The following MAF variants were observed in gnomAD, a reference collection of about 807,000 sequenced individuals.
MAF encodes the protein MAF bZIP transcription factor.
A neutral mutation model predicts 22.0 loss-of-function variants in MAF; 10 were observed. The ratio of observed to expected loss-of-function variants is 0.45; its 90% CI spans 0.28 to 0.77. The LOEUF (loss-of-function observed/expected upper bound fraction) is 0.77, where lower values mean the gene tolerates loss of function less well. Among genes scored for constraint, MAF ranks in the 30% least tolerant of loss-of-function variants. The probability of loss-of-function intolerance (pLI) is 0.12; values close to 1 mark genes in which losing one functional copy is unlikely to be tolerated. For synonymous variants in MAF, 337 were observed against 255.8 expected, an observed-to-expected ratio of 1.32 and a Z score of -3.03; for missense variants, 544 against 548.4, an observed-to-expected ratio of 0.99 and a Z score of 0.08.
chr16:79,533,951 G>C, the MAF span, among the ~76,000 whole-genome samples: 1 of 152,206 alleles, frequency 6.6e-6, no homozygotes, highest in Admixed American at 6.5e-5. Flanking sequence ...GGCAAGGAAA[G>C]CCTGGGAAAT....
At chr16:79,304,763 A>T in the MAF span, among the ~76,000 whole-genome samples, 1 of 152,214 alleles carries the variant, frequency 6.6e-6, no homozygotes, top group Non-Finnish European at 1.5e-5. Context: ...ACCAAAAGGG[A>T]CTAAATGATT....
At chr16:79,277,732 T>A in the MAF span, among the ~76,000 whole-genome samples, 1 of 152,244 alleles carries the variant, frequency 6.6e-6, no homozygotes, top group African/African-American at 2.4e-5. Context: ...AGCTTCTATG[T>A]GTCTGTTTAT....
chr16:79,530,419 T>A, the MAF span, among the ~76,000 whole-genome samples: 1 of 152,180 alleles, frequency 6.6e-6, no homozygotes, highest in Non-Finnish European at 1.5e-5. Context: ...GATGTAAATA[T>A]TGGGAAGCAG....
At chr16:79,585,580 C>T (rs1912786656), downstream of MAF, among the ~76,000 whole-genome samples, 1 of 152,152 alleles carries the variant, frequency 6.6e-6, no homozygotes. Context: ...CTGAGATCTA[C>T]TCAAACTGGA....
chr16:79,514,865 C>A, the MAF span, among the ~76,000 whole-genome samples: 1 of 152,204 alleles, frequency 6.6e-6, no homozygotes, highest in African/African-American at 2.4e-5. Flanking sequence ...TTCTCTCCAA[C>A]AGACCTCATG....
At chr16:79,511,574 C>T in the MAF span, among the ~76,000 whole-genome samples, 15 of 152,254 alleles carry the variant, frequency 9.9e-5, no homozygotes, top group African/African-American at 2.4e-4. Context: ...GAGATGTGTG[C>T]GGTGTTACAT....
the MAF span, among the ~76,000 whole-genome samples, chr16:79,374,805 T>C: frequency 6.6e-6 from 1 of 152,214 alleles, no homozygotes; most frequent in Admixed American, 6.5e-5. Context: ...TGACTTTGTG[T>C]TTTATAGTAT....
chr16:79,248,648 C>A, the MAF span, among the ~76,000 whole-genome samples: 1 of 152,124 alleles, frequency 6.6e-6, no homozygotes, highest in Admixed American at 6.5e-5. Flanking sequence ...AAAAAATATT[C>A]TGATTTTATT....
chr16:79,213,406 T>C, the MAF span, among the ~76,000 whole-genome samples: 2 of 152,208 alleles, frequency 1.3e-5, no homozygotes, highest in African/African-American at 4.8e-5. Context: ...TTTGAAACTA[T>C]GAATCAGATA....
the MAF span, among the ~76,000 whole-genome samples, chr16:79,418,090 A>T: frequency 1.3e-5 from 2 of 152,158 alleles, no homozygotes; most frequent in African/African-American, 4.8e-5. Context: ...TCAAGTGTGC[A>T]ACTGGCCTGA....
downstream of MAF, among the ~76,000 whole-genome samples, chr16:79,583,608 C>T (rs149050818): frequency 9.9e-3 from 1,508 of 152,320 alleles, 20 homozygotes; most frequent in African/African-American, 0.034. Context: ...TCCATCCCCA[C>T]GTTCTGATCG....
chr16:79,528,535 G>T, the MAF span, among the ~76,000 whole-genome samples: 1 of 152,094 alleles, frequency 6.6e-6, no homozygotes, highest in African/African-American at 2.4e-5. Context: ...CAGCATGAAG[G>T]ATCTTGGCAG....
At chr16:79,211,496 C>A in the MAF span, 16 of 1,391,198 alleles carry the variant, frequency 1.2e-5, no homozygotes, top group African/African-American at 2.3e-4. Context: ...CAAGATCCAG[C>A]TGAAACTGAA....
the MAF span, among the ~76,000 whole-genome samples, chr16:79,572,921 C>T: frequency 6.6e-6 from 1 of 152,166 alleles, no homozygotes; most frequent in Admixed American, 6.5e-5. Context: ...ATATTAGCTG[C>T]TTAAGAGGTT....
chr16:79,256,324 G>C, the MAF span, among the ~76,000 whole-genome samples: 1 of 152,034 alleles, frequency 6.6e-6, no homozygotes, highest in Non-Finnish European at 1.5e-5. Context: ...CAGTGGCCAT[G>C]AGAGGGATAA....
chr16:79,224,312 C>A, the MAF span, among the ~76,000 whole-genome samples: 3 of 152,106 alleles, frequency 2.0e-5, no homozygotes, highest in East Asian at 1.9e-4. Flanking sequence ...ATTCAACAAC[C>A]CTTCATGCTA....
chr16:79,210,878 A>G, the MAF span, among the ~76,000 whole-genome samples: 1 of 152,156 alleles, frequency 6.6e-6, no homozygotes, highest in African/African-American at 2.4e-5. Flanking sequence ...ACTCTTTGCA[A>G]CTTACATTTT....
At chr16:79,489,818 G>A in the MAF span, among the ~76,000 whole-genome samples, 1 of 152,214 alleles carries the variant, frequency 6.6e-6, no homozygotes, top group Non-Finnish European at 1.5e-5. Context: ...GAATGGGTCT[G>A]TGTGAAACGC....
At chr16:79,320,828 T>C in the MAF span, among the ~76,000 whole-genome samples, 2 of 152,216 alleles carry the variant, frequency 1.3e-5, no homozygotes, top group Non-Finnish European at 2.9e-5. Flanking sequence ...TTAAGTGTTT[T>C]ATATATTGAT....
Sources: gnomAD v4.1 joint callset for allele counts (sites outside exome capture counted in the v4.1 genomes callset) on GRCh38, gnomAD v4.1.1 for gene constraint, MANE v1.5 for transcripts, NCBI Gene and HGNC (gene_info 2026-07-23, HGNC 2026-07-21) for gene names.